Variants in FBN2 observed in about 807,000 individuals in gnomAD.
The protein encoded by FBN2 is fibrillin 2, also known as fibrillin-2.
Under a neutral mutation model 355.6 loss-of-function variants are expected in FBN2, and 105 were observed. The observed-to-expected ratio is 0.30, with a 90% confidence interval of 0.25 to 0.35. FBN2 has a LOEUF of 0.35. Among genes scored for constraint, FBN2 ranks in the 10% least tolerant of loss-of-function variants. The pLI, the probability that FBN2 is intolerant of heterozygous loss-of-function variation, is 1.00. For synonymous variants in FBN2, 1,350 were observed against 1,301.2 expected, an observed-to-expected ratio of 1.04 and a Z score of -0.81; for missense variants, 3,280 against 3,758.7, an observed-to-expected ratio of 0.87 and a Z score of 3.33.
intron 5 of FBN2, among the ~76,000 whole-genome samples, chr5:128,476,395 C>A (rs933217805): frequency 2.6e-5 from 4 of 151,798 alleles, no homozygotes; most frequent in Non-Finnish European, 5.9e-5. Context: ...TATATTAAAA[C>A]CATCAAAATA....
chr5:128,481,523 G>A (rs1288311983), intron 5 of FBN2, among the ~76,000 whole-genome samples: 1 of 152,098 alleles, frequency 6.6e-6, no homozygotes, highest in African/African-American at 2.4e-5. Context: ...AATGCCTAAT[G>A]ATAAACATCC....
At chr5:128,285,085 C>A (rs1749106982) in intron 55 of FBN2, among the ~76,000 whole-genome samples, 1 of 152,152 alleles carries the variant, frequency 6.6e-6, no homozygotes, top group South Asian at 2.1e-4. Flanking sequence ...ATTGCATAGT[C>A]AAGTTTCCGT....
At chr5:128,446,978 G>A (rs1754082320) in intron 6 of FBN2, among the ~76,000 whole-genome samples, 1 of 152,178 alleles carries the variant, frequency 6.6e-6, no homozygotes, top group South Asian at 2.1e-4. Flanking sequence ...TCTTACGCCT[G>A]TCTTTACTGC....
rs183081374 is a variant in FBN2, at chr5:128,500,543, C to T, written c.628+18730G>A. 3.1e-3 allele frequency among the ~76,000 whole-genome samples: 463 copies of T among 150,028 alleles called. 2 individuals are homozygous for T. Among genetic ancestry groups the T allele is most frequent in the African/African-American group, 0.011 (448 of 40,760 alleles). Reference sequence around the variant, plus strand: ...CTGCAAGCTCCGCCTCCCGGGTTCACGCCATTCTCCCGCCTCAGCCTCTCT... The same window carrying T: ...CTGCAAGCTCCGCCTCCCGGGTTCATGCCATTCTCCCGCCTCAGCCTCTCT... On this transcript the variant is annotated intron_variant, in intron 5 of 64. Coordinates refer to ENST00000262464, the MANE Select transcript of FBN2 (RefSeq NM_001999.4).
At chr5:128,396,001 A>T (rs1306128024) in intron 8 of FBN2, among the ~76,000 whole-genome samples, 1 of 152,204 alleles carries the variant, frequency 6.6e-6, no homozygotes, top group African/African-American at 2.4e-5. Flanking sequence ...AACTGACTGT[A>T]GCCAGAGCAC....
intron 23 of FBN2, among the ~76,000 whole-genome samples, chr5:128,346,061 T>A (rs190615791): frequency 2.0e-5 from 3 of 147,716 alleles, no homozygotes; most frequent in Admixed American, 2.0e-4. Flanking sequence ...ACATTTAAAG[T>A]TTTTTTTTTT....
intron 60 of FBN2, 73 bp from the exon 61 acceptor site, chr5:128,274,041 A>C (rs893033384): frequency 7.0e-6 from 11 of 1,564,704 alleles, no homozygotes; most frequent in Non-Finnish European, 9.7e-6. Context: ...GGGAAGTAAA[A>C]AGCAATGTAT....
intron 7 of FBN2, among the ~76,000 whole-genome samples, chr5:128,440,553 C>A (rs976381120): frequency 7.9e-5 from 12 of 152,132 alleles, no homozygotes; most frequent in African/African-American, 2.9e-4. Flanking sequence ...AATCTGCCCC[C>A]ATGATCTAAT....
At chr5:128,281,894 G>C (rs1361474154) in intron 55 of FBN2, among the ~76,000 whole-genome samples, 1 of 152,052 alleles carries the variant, frequency 6.6e-6, no homozygotes, top group Non-Finnish European at 1.5e-5. Context: ...GTTTCACCAT[G>C]TTAGCCAGGA....
chr5:128,441,683 C>G (rs1275805215), intron 7 of FBN2, among the ~76,000 whole-genome samples: 1 of 152,096 alleles, frequency 6.6e-6, no homozygotes, highest in Non-Finnish European at 1.5e-5. Context: ...AAAAATAGTT[C>G]AGATACAATA....
In FBN2 at chr5:128,510,566, G is replaced by C. The variant is rs139614973; in HGVS notation, c.628+8707C>G. ...CAGGCAGGAAGGCTAATTTATTCCT[G>C]TTAGTCTATCTTGGCTAAACACAGA... is the stretch of plus-strand genomic sequence containing the variant. On this transcript the variant is annotated intron_variant, in intron 5 of 64. Coordinates refer to ENST00000262464, the MANE Select transcript of FBN2 (RefSeq NM_001999.4). Among the ~76,000 whole-genome samples, 537 of 152,242 alleles carry C rather than the reference G, an allele frequency of 3.5e-3. 2 individuals carry two copies. Among genetic ancestry groups the C allele is most frequent in the Non-Finnish European group, 4.7e-3 (323 of 68,012 alleles).
intron 4 of FBN2, among the ~76,000 whole-genome samples, chr5:128,520,135 C>T (rs190239500): frequency 6.6e-6 from 1 of 152,236 alleles, no homozygotes; most frequent in East Asian, 1.9e-4. Context: ...GCTCCTTTAG[C>T]CTTGTGACCT....
chr5:128,344,948 A>G (rs1166536970), intron 24 of FBN2, among the ~76,000 whole-genome samples: 1 of 151,456 alleles, frequency 6.6e-6, no homozygotes, highest in African/African-American at 2.4e-5. Context: ...TGATCCACCC[A>G]CCTCAGCCTC....
intron 54 of FBN2, 130 bp downstream of exon 54, chr5:128,287,178 T>C (rs1262672789): frequency 8.8e-7 from 1 of 1,134,082 alleles, no homozygotes; most frequent in Non-Finnish European, 1.3e-6. Flanking sequence ...GGAAATCTAC[T>C]AGCAAAATGC....
intron 7 of FBN2, among the ~76,000 whole-genome samples, chr5:128,410,063 C>G (rs939983419): frequency 2.0e-5 from 3 of 152,128 alleles, no homozygotes; most frequent in Non-Finnish European, 4.4e-5. Context: ...TTCAGACATT[C>G]TATGAAATAA....
intron 34 of FBN2, among the ~76,000 whole-genome samples, chr5:128,327,371 A>G (rs540451735): frequency 2.0e-5 from 3 of 152,096 alleles, no homozygotes; most frequent in African/African-American, 7.2e-5. Context: ...GGTGGAGCAG[A>G]GTTGGGCTCC....
At chr5:128,512,958 A>C (rs1360021401) in intron 5 of FBN2, among the ~76,000 whole-genome samples, 1 of 152,226 alleles carries the variant, frequency 6.6e-6, no homozygotes, top group African/African-American at 2.4e-5. Flanking sequence ...TATATATTAT[A>C]TATGTACAAA....
intron 7 of FBN2, among the ~76,000 whole-genome samples, chr5:128,420,118 A>G (rs1753308744): frequency 6.6e-6 from 1 of 152,122 alleles, no homozygotes; most frequent in Admixed American, 6.5e-5. Context: ...ATTTTTTAAA[A>G]AATGTATTTC....
At chr5:128,472,329 AAGT>A (rs1299511455) in intron 5 of FBN2, among the ~76,000 whole-genome samples, 2 of 152,182 alleles carry the variant, frequency 1.3e-5, no homozygotes, top group Non-Finnish European at 2.9e-5. Flanking sequence ...TAAAGACAGA[AAGT>A]AGAATGGTGG....
Sources: allele counts gnomAD v4.1 joint callset (sites outside exome capture counted in the v4.1 genomes callset), GRCh38; gene constraint gnomAD v4.1.1; transcripts MANE v1.5; gene names NCBI Gene and HGNC (gene_info 2026-07-23, HGNC 2026-07-21).